EFHC1: variants seen among roughly 807,000 people sequenced by gnomAD.
EFHC1 encodes the protein EF-hand domain-containing protein 1.
A neutral mutation model predicts 69.9 loss-of-function variants in EFHC1; 53 were observed. That is an observed-to-expected ratio of 0.76 (90% CI 0.61 to 0.95). The LOEUF is 0.95. EFHC1 is among the 40% of genes least tolerant of loss of function. The pLI, the probability that EFHC1 is intolerant of heterozygous loss-of-function variation, is 0.00. For missense variants in EFHC1, 739 were observed against 798.7 expected (o/e 0.93, Z 0.90); for synonymous variants, 256 against 278.4 (o/e 0.92, Z 0.80).
chr6:52,493,527 C>T lies in EFHC1; in HGVS notation c.*1186C>T. 1 of 416,006 alleles carries T rather than the reference C, an allele frequency of 2.4e-6. No individual in the cohort carries two copies. The highest frequency in any genetic ancestry group is 1.8e-5 in the South Asian group (1 of 57,140). 25.8% of individuals were successfully genotyped at this position (416,006 alleles called of 1,614,324 possible). On this transcript the variant is annotated 3_prime_UTR_variant, in exon 11 of 11. Coordinates refer to ENST00000371068, the MANE Select transcript of EFHC1 (RefSeq NM_018100.4). ...ATTAGCCAGGTGTGGTGGCGTGTGC[C>T]TGTAGTCCCAGCCACTCGGGAGGCT...
intron 5 of EFHC1, among the ~76,000 whole-genome samples, chr6:52,461,332 G>A (rs560240614): frequency 2.0e-5 from 3 of 152,150 alleles, no homozygotes; most frequent in African/African-American, 7.2e-5. Context: ...TTGATTTTCT[G>A]TTCCTGCATT....
At chr6:52,483,774 A>G (rs1042097882) in intron 9 of EFHC1, 3 of 152,196 alleles carry the variant, frequency 2.0e-5, no homozygotes, top group African/African-American at 7.2e-5. Flanking sequence ...TTCCTACCTC[A>G]GAATGATTCA....
At chr6:52,438,210 T>C (rs2113979080) in intron 2 of EFHC1, 94 bp from the exon 3 acceptor site, 2 of 1,205,948 alleles carry the variant, frequency 1.7e-6, no homozygotes, top group Non-Finnish European at 2.4e-6. Flanking sequence ...AAAATCTCCC[T>C]GTGTGGTTCT....
intron 9 of EFHC1, chr6:52,485,484 G>T (rs1396806022): frequency 6.6e-6 from 1 of 151,834 alleles, no homozygotes; most frequent in Admixed American, 6.6e-5. Flanking sequence ...TATGGTTTTA[G>T]ATATGGTTTG....
chr6:52,470,973 A>AGTC (rs1765423603), intron 7 of EFHC1, among the ~76,000 whole-genome samples: 3 of 152,238 alleles, frequency 2.0e-5, no homozygotes, highest in African/African-American at 7.2e-5. Context: ...AATAATTTGG[A>AGTC]TCAGCCCTCT....
At chr6:52,484,120 G>A (rs1020978502) in intron 9 of EFHC1, 8 of 152,248 alleles carry the variant, frequency 5.3e-5, no homozygotes, top group Non-Finnish European at 7.3e-5. Context: ...TGATAAGTGT[G>A]TGAGAGAGCG....
chr6:52,430,970 C>G (rs894469247), intron 2 of EFHC1, among the ~76,000 whole-genome samples: 1 of 152,076 alleles, frequency 6.6e-6, no homozygotes, highest in African/African-American at 2.4e-5. Flanking sequence ...CTCTAGTTTT[C>G]TAGTTTATGT....
intron 4 of EFHC1, chr6:52,453,244 A>G (rs1444496104): frequency 2.3e-6 from 3 of 1,289,528 alleles, no homozygotes; most frequent in Non-Finnish European, 3.0e-6. Flanking sequence ...GTAGGTTGTA[A>G]TGTTAAAATG....
chr6:52,470,020 G>T (rs574553769), intron 7 of EFHC1, among the ~76,000 whole-genome samples: 1 of 152,096 alleles, frequency 6.6e-6, no homozygotes, highest in African/African-American at 2.4e-5. Context: ...AAAGTGTAAG[G>T]TCTTTAAAAT....
At chr6:52,435,963 C>T (rs757055515) in intron 2 of EFHC1, among the ~76,000 whole-genome samples, 82 of 152,268 alleles carry the variant, frequency 5.4e-4, no homozygotes, top group Admixed American at 1.4e-3. Flanking sequence ...ATTTCAGTTC[C>T]AGTTCTGGCC....
At chr6:52,476,735 A>G (rs1028007173) in intron 7 of EFHC1, among the ~76,000 whole-genome samples, 2 of 150,670 alleles carry the variant, frequency 1.3e-5, no homozygotes, top group African/African-American at 4.8e-5. Flanking sequence ...CAAAGTCATG[A>G]AAGAGAAGGG....
chr6:52,444,118 T>C (rs1764727558), intron 3 of EFHC1, among the ~76,000 whole-genome samples: 2 of 152,230 alleles, frequency 1.3e-5, no homozygotes. Context: ...AGAATGCTTG[T>C]GATTTTCGCA....
Position 52,478,980 on chromosome 6 carries a change from G to T in EFHC1, c.1279-57G>T, listed in dbSNP as rs115736914. 1,708 of 1,545,042 alleles carry T rather than the reference G, an allele frequency of 1.1e-3. 18 individuals carry two copies. The African/African-American group carries it at 0.02, about 18-fold the overall frequency. On this transcript the variant is annotated intron_variant, in intron 7 of 10. Transcript: ENST00000371068. ...CCTGGCCCCTATAGGCATTTAAGTT[G>T]GCACATCTGCATAGACCATGAACCT...
At chr6:52,426,188 A>G (rs1171191684) in intron 2 of EFHC1, among the ~76,000 whole-genome samples, 2 of 152,168 alleles carry the variant, frequency 1.3e-5, no homozygotes, top group African/African-American at 2.4e-5. Flanking sequence ...TGACTGTCAA[A>G]TCACTTACAA....
rs1031968233 is a variant in EFHC1, at chr6:52,495,478, A to T, written c.*3137A>T. 26 of 454,036 alleles carry T rather than the reference A, an allele frequency of 5.7e-5. No homozygotes were observed. The highest frequency in any genetic ancestry group is 9.3e-5 in the Non-Finnish European group (21 of 226,800). 28.1% of individuals were successfully genotyped at this position (454,036 alleles called of 1,614,324 possible). A position where few individuals can be genotyped will look rare whatever the true frequency, so the allele number is the denominator to read the frequency against. On this transcript the variant is annotated 3_prime_UTR_variant, in exon 11 of 11. Coordinates refer to ENST00000371068, the MANE Select transcript of EFHC1 (RefSeq NM_018100.4). The stretch of plus-strand genomic sequence containing the variant: ...CATGGATCGGCAGCAAATCTGCAAC[A>T]TATGGATATATTTGCCAATTTTTGT...
intron 3 of EFHC1, among the ~76,000 whole-genome samples, chr6:52,451,233 A>C (rs949307521): frequency 2.0e-5 from 3 of 152,120 alleles, no homozygotes; most frequent in African/African-American, 7.2e-5. Flanking sequence ...TTATAGTGTC[A>C]CTGGTCTGTG....
chr6:52,453,976 G>T (rs1195356424), intron 4 of EFHC1, 119 bp from the exon 5 acceptor site: 3 of 1,573,354 alleles, frequency 1.9e-6, no homozygotes, highest in Non-Finnish European at 2.6e-6. Flanking sequence ...TACCCCATCT[G>T]AAATTACTTC....
At chr6:52,455,997 AAC>A (rs1330879153) in intron 5 of EFHC1, among the ~76,000 whole-genome samples, 1 of 152,238 alleles carries the variant, frequency 6.6e-6, no homozygotes, top group Non-Finnish European at 1.5e-5. Flanking sequence ...ATAATGCTAT[AAC>A]ACATGCAAAA....
chr6:52,447,550 C>A (rs1263109663), intron 3 of EFHC1, among the ~76,000 whole-genome samples: 1 of 152,204 alleles, frequency 6.6e-6, no homozygotes, highest in East Asian at 1.9e-4. Flanking sequence ...TACTGATTGT[C>A]TGAAGCCTTT....
Sources: allele counts gnomAD v4.1 joint callset (sites outside exome capture counted in the v4.1 genomes callset), GRCh38; gene constraint gnomAD v4.1.1; transcripts MANE v1.5; gene names NCBI Gene and HGNC (gene_info 2026-07-23, HGNC 2026-07-21).